IFI16: variants seen among roughly 807,000 people sequenced by gnomAD.
IFI16 encodes gamma-interferon-inducible protein 16.
Under a neutral mutation model 68.4 loss-of-function variants are expected in IFI16, and 49 were observed. The observed-to-expected ratio is 0.72, with a 90% CI of 0.57 to 0.91. The LOEUF (loss-of-function observed/expected upper bound fraction) is 0.91. Ranked by LOEUF, IFI16 falls within the 40% of genes least tolerant of loss-of-function variation. The probability of loss-of-function intolerance (pLI) is 0.00; values close to 1 mark genes in which losing one functional copy is unlikely to be tolerated. For synonymous variants in IFI16, 307 were observed against 315.0 expected (o/e 0.97, Z 0.27); for missense variants, 878 against 942.9 (o/e 0.93, Z 0.90).
intron 1 of IFI16, among the ~76,000 whole-genome samples, chr1:159,014,310 G>T (rs1652781805): frequency 6.6e-6 from 1 of 152,194 alleles, no homozygotes; most frequent in African/African-American, 2.4e-5. Context: ...ACAACAGGCA[G>T]GATTTGGGGA....
upstream of IFI16, among the ~76,000 whole-genome samples, chr1:159,009,589 G>A (rs772707289): frequency 1.3e-5 from 2 of 151,964 alleles, no homozygotes; most frequent in African/African-American, 4.8e-5. Context: ...AAGTCTGCTG[G>A]GTAAGAAAGT....
At chr1:159,003,636 T>C (rs1652140994), upstream of IFI16, among the ~76,000 whole-genome samples, 1 of 126,218 alleles carries the variant, frequency 7.9e-6, no homozygotes, top group South Asian at 3.0e-4. Context: ...CTATCTTGTA[T>C]GTCCATAATT....
intron 6 of IFI16, among the ~76,000 whole-genome samples, chr1:159,023,557 A>T (rs554246473): frequency 6.6e-6 from 1 of 152,088 alleles, no homozygotes; most frequent in Admixed American, 6.5e-5. Flanking sequence ...CCTTAATAGC[A>T]TTTATGTAAA....
Position 159,051,868 on chromosome 1 carries a change from G to T in IFI16, c.1855G>T (p.Asp619Tyr). 1 of 1,614,000 alleles carries T rather than the reference G, an allele frequency of 6.2e-7. No individual in the cohort carries two copies. The highest frequency in any genetic ancestry group is 1.1e-5 in the South Asian group (1 of 91,072). The change falls in exon 10 of 12, where the codon GAC (aspartate) becomes TAC (tyrosine). Residue 619 changes from aspartate to tyrosine, a missense_variant. By Grantham distance (160) the Asp-to-Tyr change is radical. Transcript: ENST00000295809. ...CTTCCGAGTGAAGGTTTTTAATATT[G>T]ACCTAAAGGAGAAGTTCACCCCAAA... ...EVFRVKVFNI[D>Y]LKEKFTPKKI...
rs1010277237 is a variant in IFI16, at chr1:159,018,580, A to G, written c.901A>G (p.Thr301Ala). ...PNKIINRAKE[T>A]LKIDILHKQA... ...TAAAATCATCAACAGAGCAAAGGAA[A>G]CTCTGAAGATTGATATTCTTCACAA... The change falls in exon 5 of 12, where the codon ACT becomes GCT. Residue 301 changes from threonine (T) to alanine (A), a missense_variant. By Grantham distance (58) the Thr-to-Ala change is moderately conservative (BLOSUM62 0). This residue lies in a region of IFI16 where 443 missense variants were observed against 421.8 expected (regional missense o/e 1.05). Transcript: ENST00000295809. 1 of 1,613,566 alleles carries G rather than the reference A, an allele frequency of 6.2e-7. No individual in the cohort carries two copies. The highest frequency in any genetic ancestry group is 1.7e-5 in the Admixed American group (1 of 60,010).
chr1:159,007,925 A>C (rs1652319004), upstream of IFI16, among the ~76,000 whole-genome samples: 1 of 152,194 alleles, frequency 6.6e-6, no homozygotes, highest in Non-Finnish European at 1.5e-5. Flanking sequence ...TGCATATGCC[A>C]CAGTCTATTG....
chr1:159,034,936 A>ATT (rs1254687113), intron 7 of IFI16, among the ~76,000 whole-genome samples: 1 of 152,230 alleles, frequency 6.6e-6, no homozygotes, highest in Non-Finnish European at 1.5e-5. Context: ...TTTGCTCAGC[A>ATT]GTGATATGAC....
At chr1:159,015,067 G>A (rs1652837498) in intron 2 of IFI16, 122 bp downstream of exon 2, 2 of 943,942 alleles carry the variant, frequency 2.1e-6, no homozygotes, top group Non-Finnish European at 3.2e-6. Flanking sequence ...CTCAACAGCT[G>A]AGACAATGTT....
At chr1:159,048,197 C>T (rs1391103304) in intron 8 of IFI16, among the ~76,000 whole-genome samples, 1 of 151,296 alleles carries the variant, frequency 6.6e-6, no homozygotes, top group Non-Finnish European at 1.5e-5. Flanking sequence ...ACGCAAACCC[C>T]TAATAGATCG....
intron 2 of IFI16, among the ~76,000 whole-genome samples, chr1:159,015,398 T>C (rs776799425): frequency 3.9e-5 from 6 of 152,194 alleles, no homozygotes; most frequent in Non-Finnish European, 5.9e-5. Context: ...CCTCTCTTGT[T>C]ATATCAAGTT....
Position 159,014,677 on chromosome 1 carries a change from A to C in IFI16, c.-4A>C, listed in dbSNP as rs1026792291. 2 of 1,591,392 alleles carry C rather than the reference A, an allele frequency of 1.3e-6. No individual in the cohort carries two copies. The highest frequency in any genetic ancestry group is 1.7e-6 in the Non-Finnish European group (2 of 1,167,446). On this transcript the variant is annotated 5_prime_UTR_variant, in exon 2 of 12. Transcript: ENST00000295809. ...CTCTTGTAGGCTCACTTATGTCTGT[A>C]AAGATGGGAAAAAAATACAAGAACA...
At chr1:159,031,806 A>C (rs113951700) in intron 6 of IFI16, among the ~76,000 whole-genome samples, 1 of 152,204 alleles carries the variant, frequency 6.6e-6, no homozygotes, top group African/African-American at 2.4e-5. Flanking sequence ...GATGTTCCTC[A>C]TAGGCTTCAA....
chr1:159,026,206 A>G (rs1435646864), intron 6 of IFI16, among the ~76,000 whole-genome samples: 1 of 149,342 alleles, frequency 6.7e-6, no homozygotes, highest in Non-Finnish European at 1.5e-5. Flanking sequence ...TTTTTTTTCT[A>G]GTTCTGTGAA....
At chr1:159,052,881 C>T (rs559210178) in intron 10 of IFI16, 1 of 152,216 alleles carries the variant, frequency 6.6e-6, no homozygotes, top group Non-Finnish European at 1.5e-5. Flanking sequence ...TTTCATACTC[C>T]ATTATACATG....
chr1:159,026,282 TTTTC>T (rs1480372898), intron 6 of IFI16, among the ~76,000 whole-genome samples: 1 of 140,884 alleles, frequency 7.1e-6, no homozygotes, highest in East Asian at 2.2e-4. Flanking sequence ...AGTATGGTCA[TTTTC>T]TTTATTTCTT....
At chr1:159,006,995 T>C (rs1652284555), upstream of IFI16, among the ~76,000 whole-genome samples, 1 of 152,142 alleles carries the variant, frequency 6.6e-6, no homozygotes, top group South Asian at 2.1e-4. Flanking sequence ...CAAATACATA[T>C]GTTAAGTAGA....
At chr1:159,052,737 TATAA>T (rs1324248968) in intron 10 of IFI16, 1 of 151,502 alleles carries the variant, frequency 6.6e-6, no homozygotes, top group East Asian at 1.9e-4. Flanking sequence ...CTGCTCAATT[TATAA>T]ATGGGGCAAT....
chr1:159,018,399 C>A lies in IFI16; in HGVS notation c.720C>A (p.Phe240Leu). 6.2e-7 allele frequency: 1 copy of A among 1,614,026 alleles called. No homozygotes were observed. ...HATVATQTQF[F>L]HVKVLNTSLK... is the part of the protein sequence containing the mutation. ...CAGTGGCTACACAGACACAGTTCTTCCATGTGAAGGTTTTAAACACCAGCT... is the reference window on the plus strand; with the variant it reads ...CAGTGGCTACACAGACACAGTTCTTACATGTGAAGGTTTTAAACACCAGCT... Residue 240 changes from phenylalanine to leucine, a missense_variant, in exon 5 of 12, where the codon TTC (phenylalanine) becomes TTA (leucine). Phe to Leu is a conservative substitution (Grantham distance 22, BLOSUM62 0). Around this residue, in one of 4 missense-constraint regions of IFI16, gnomAD observed 443 missense variants for 421.8 expected, o/e 1.05. Transcript: ENST00000295809.
At chr1:159,005,452 T>G (rs111270182), upstream of IFI16, among the ~76,000 whole-genome samples, 2,238 of 152,300 alleles carry the variant, frequency 0.015, 57 homozygotes, top group African/African-American at 0.052. Flanking sequence ...GGTTTCCATA[T>G]GCATTCACTC....
Sources: gnomAD v4.1 joint callset for allele counts (sites outside exome capture counted in the v4.1 genomes callset) on GRCh38, gnomAD v4.1.1 for gene constraint, gnomAD v4.1.1 regional missense constraint, MANE v1.5 for transcripts, NCBI Gene and HGNC (gene_info 2026-07-23, HGNC 2026-07-21) for gene names.